The following NOMO1 variants were observed in gnomAD, a reference collection of about 807,000 sequenced individuals.
The protein encoded by NOMO1 is NODAL modulator 1, also known as nodal modulator 3.
In NOMO1, 40 loss-of-function variants were observed where a neutral mutation model predicts 133.8. That is an observed-to-expected ratio of 0.30 (90% confidence interval 0.23 to 0.39). The LOEUF (loss-of-function observed/expected upper bound fraction) is 0.39. NOMO1 is among the 10% of genes least tolerant of loss of function. The probability of loss-of-function intolerance (pLI) is 1.00; values close to 1 mark genes in which losing one functional copy is unlikely to be tolerated. For missense variants in NOMO1, 462 were observed against 1,419.9 expected, an observed-to-expected ratio of 0.33 and a Z score of 10.84; for synonymous variants, 236 against 570.5, an observed-to-expected ratio of 0.41 and a Z score of 8.36.
Position 14,857,201 on chromosome 16 carries a change from G to C in NOMO1, c.964-16G>C, listed in dbSNP as rs377057271. On this transcript the variant is annotated splice_polypyrimidine_tract_variant and intron_variant, in intron 9 of 30. Coordinates refer to ENST00000287667, the MANE Select transcript of NOMO1 (RefSeq NM_014287.4). ...GAGCACCTTCGAGCACCTTCTTCTTGTTCTTTGTTTTCTAGCCCGTGTTCC... is the reference window on the plus strand; with the variant it reads ...GAGCACCTTCGAGCACCTTCTTCTTCTTCTTTGTTTTCTAGCCCGTGTTCC... 428 of 1,606,608 alleles carry C rather than the reference G, an allele frequency of 2.7e-4. 1 individual carries two copies. Among genetic ancestry groups the C allele is most frequent in the East Asian group, 5.6e-4 (25 of 44,786 alleles).
intron 27 of NOMO1, among the ~76,000 whole-genome samples, chr16:14,885,124 C>T (rs1297054942): frequency 1.3e-5 from 2 of 152,106 alleles, no homozygotes; most frequent in Non-Finnish European, 2.9e-5. Flanking sequence ...ACGAAGACAG[C>T]ACCAAGCCAC....
At chr16:14,891,719 A>T (rs1199444175) in intron 29 of NOMO1, among the ~76,000 whole-genome samples, 3 of 151,618 alleles carry the variant, frequency 2.0e-5, no homozygotes, top group Non-Finnish European at 4.4e-5. Context: ...TTTCATTTAG[A>T]GATGAGAAGA....
rs370242291 is a variant in NOMO1 at position 14,857,210 on chromosome 16, T to C, written c.964-7T>C. ...CGAGCACCTTCTTCTTGTTCTTTGT[T>C]TTCTAGCCCGTGTTCCACGTCATGG... is the stretch of plus-strand genomic sequence containing the variant. On this transcript the variant is annotated splice_polypyrimidine_tract_variant and splice_region_variant and intron_variant, in intron 9 of 30. Transcript: ENST00000287667. 58 of 1,592,174 alleles carry C rather than the reference T, an allele frequency of 3.6e-5. No individual in the cohort carries two copies. The highest frequency in any genetic ancestry group is 4.5e-5 in the Non-Finnish European group (52 of 1,161,326).
chr16:14,861,624 A>G (rs1464738064), intron 11 of NOMO1, among the ~76,000 whole-genome samples: 1 of 145,364 alleles, frequency 6.9e-6, no homozygotes, highest in African/African-American at 2.5e-5. Context: ...TGTGAGAACC[A>G]AAATGCATAT....
chr16:14,868,441 A>G (rs200141813), intron 15 of NOMO1, 107 bp from the exon 16 acceptor site: 79,335 of 676,958 alleles, frequency 0.12, 5,410 homozygotes, highest in Admixed American at 0.24. Flanking sequence ...AACTGCTCCA[A>G]TGATTAATGG....
intron 11 of NOMO1, among the ~76,000 whole-genome samples, chr16:14,859,141 AG>A (rs71223146): frequency 4.6e-5 from 7 of 151,934 alleles, no homozygotes; most frequent in Middle Eastern, 3.2e-3. Flanking sequence ...CAGGTGGCCC[AG>A]GGGGGACCTA....
intron 9 of NOMO1, 92 bp from the exon 10 acceptor site, chr16:14,857,125 T>A: frequency 6.4e-7 from 1 of 1,564,494 alleles, no homozygotes; most frequent in Non-Finnish European, 8.8e-7. Flanking sequence ...GGAGCAGACA[T>A]GGTAGGTGGT....
intron 11 of NOMO1, among the ~76,000 whole-genome samples, chr16:14,861,739 T>C (rs1437499164): frequency 6.6e-6 from 1 of 151,564 alleles, no homozygotes; most frequent in African/African-American, 2.4e-5. Flanking sequence ...GATAGACAAT[T>C]TGTAAATGAA....
At chr16:14,883,658 C>T (rs928484725) in intron 26 of NOMO1, among the ~76,000 whole-genome samples, 14 of 151,060 alleles carry the variant, frequency 9.3e-5, no homozygotes, top group Admixed American at 6.6e-4. Flanking sequence ...GACGTCTTTA[C>T]GGTGTTGGCA....
intron 9 of NOMO1, among the ~76,000 whole-genome samples, chr16:14,856,249 G>A (rs965504216): frequency 6.6e-6 from 1 of 151,914 alleles, no homozygotes; most frequent in Non-Finnish European, 1.5e-5. Context: ...ACTAAAATGG[G>A]TTAGCAGTGG....
chr16:14,860,114 G>C (rs1411723047), intron 11 of NOMO1, among the ~76,000 whole-genome samples: 1 of 151,566 alleles, frequency 6.6e-6, no homozygotes, highest in Non-Finnish European at 1.5e-5. Context: ...TCACGCCTAT[G>C]ATCTCAGCAC....
intron 3 of NOMO1, among the ~76,000 whole-genome samples, chr16:14,843,210 C>T (rs571186556): frequency 4.6e-4 from 64 of 139,188 alleles, no homozygotes; most frequent in Non-Finnish European, 7.5e-4. Flanking sequence ...AGAGCCACCA[C>T]GCCTGGCCTA....
intron 2 of NOMO1, 26 bp downstream of exon 2, chr16:14,838,522 T>A (rs751191051): frequency 6.2e-7 from 1 of 1,611,838 alleles, no homozygotes. Context: ...TTGTCACTTA[T>A]GATGGGAAAT....
At chr16:14,835,453 C>T (rs948427155) in intron 1 of NOMO1, among the ~76,000 whole-genome samples, 2 of 150,488 alleles carry the variant, frequency 1.3e-5, no homozygotes, top group Non-Finnish European at 1.5e-5. Flanking sequence ...TGCAAGAGGC[C>T]GCTAAGGCCT....
chr16:14,879,900 C>G, intron 23 of NOMO1, 115 bp from the exon 24 acceptor site: 2 of 1,601,934 alleles, frequency 1.2e-6, no homozygotes, highest in Non-Finnish European at 1.7e-6. Flanking sequence ...TTTCTGGCTG[C>G]CAGGGAAGCC....
chr16:14,864,953 G>A, intron 13 of NOMO1, 71 bp from the exon 14 acceptor site: 1 of 1,609,294 alleles, frequency 6.2e-7, no homozygotes, highest in South Asian at 1.1e-5. Flanking sequence ...CTATTACATA[G>A]GGTTAGGATT....
chr16:14,878,210 T>C (rs1437131257), intron 22 of NOMO1, among the ~76,000 whole-genome samples: 5 of 138,412 alleles, frequency 3.6e-5, no homozygotes, highest in Non-Finnish European at 7.8e-5. Context: ...GAAAGAGTTC[T>C]GGGCGGGGCA....
intron 24 of NOMO1, among the ~76,000 whole-genome samples, chr16:14,881,129 G>A (rs185860590): frequency 1.2e-4 from 19 of 152,178 alleles, no homozygotes; most frequent in Middle Eastern, 3.4e-3. Flanking sequence ...ATTTTTTGTA[G>A]ACTTATACAG....
At chr16:14,839,147 C>CA (rs1332365229) in intron 2 of NOMO1, among the ~76,000 whole-genome samples, 1 of 151,770 alleles carries the variant, frequency 6.6e-6, no homozygotes, top group East Asian at 1.9e-4. Flanking sequence ...CTCCACCCCC[C>CA]AGGTTCAAGC....
Sources: gnomAD v4.1 joint callset for allele counts (sites outside exome capture counted in the v4.1 genomes callset) on GRCh38, gnomAD v4.1.1 for gene constraint, MANE v1.5 for transcripts, NCBI Gene and HGNC (gene_info 2026-07-23, HGNC 2026-07-21) for gene names.